STRBP: variants seen among roughly 807,000 people sequenced by gnomAD.
The protein encoded by STRBP is spermatid perinuclear RNA-binding protein.
STRBP carries 13 observed loss-of-function variants against 80.1 expected under a neutral mutation model. The observed-to-expected ratio is 0.16, with a 90% CI of 0.11 to 0.26. The LOEUF (loss-of-function observed/expected upper bound fraction) is 0.26, where lower values mean the gene tolerates loss of function less well. Among genes scored for constraint, STRBP ranks in the 10% least tolerant of loss-of-function variants. The probability of loss-of-function intolerance (pLI) is 1.00; values close to 1 mark genes in which losing one functional copy is unlikely to be tolerated. For missense variants in STRBP, 485 were observed against 815.2 expected, an observed-to-expected ratio of 0.59 and a Z score of 4.93; for synonymous variants, 284 against 291.2, an observed-to-expected ratio of 0.98 and a Z score of 0.25.
chr9:123,184,176 C>A lies in STRBP; in HGVS notation c.-42G>T. On this transcript the variant is annotated 5_prime_UTR_variant, in exon 3 of 19. Transcript: ENST00000348403. ...TTAGCTTCTTTTTCCGATCCTTTCC[C>A]CTCTTTCTTGTCGTCTTCACTAGAC... is the stretch of plus-strand genomic sequence containing the variant. The A allele has an allele frequency of 6.2e-7, 1 of 1,605,512 alleles. No homozygotes were observed. The highest frequency in any genetic ancestry group is 8.5e-7 in the Non-Finnish European group (1 of 1,174,940).
intron 4 of STRBP, among the ~76,000 whole-genome samples, chr9:123,177,074 G>A (rs2038249996): frequency 6.6e-6 from 1 of 152,104 alleles, no homozygotes. Context: ...ACACTCACCA[G>A]GTGCACAATA....
chr9:123,166,996 G>C (rs2037794338), intron 6 of STRBP, among the ~76,000 whole-genome samples: 1 of 152,136 alleles, frequency 6.6e-6, no homozygotes, highest in Non-Finnish European at 1.5e-5. Context: ...TCTGTATTAT[G>C]GCAATTTAAA....
At chr9:123,175,475 T>C (rs1436364579) in intron 4 of STRBP, among the ~76,000 whole-genome samples, 1 of 152,176 alleles carries the variant, frequency 6.6e-6, no homozygotes, top group Non-Finnish European at 1.5e-5. Context: ...AATCCAGCCA[T>C]GGGTTCAGTG....
downstream of STRBP, among the ~76,000 whole-genome samples, chr9:123,119,760 A>G (rs2035700975): frequency 6.6e-6 from 1 of 152,214 alleles, no homozygotes; most frequent in Non-Finnish European, 1.5e-5. Context: ...TGCACCAGGT[A>G]CTGTTCAAAA....
intron 13 of STRBP, among the ~76,000 whole-genome samples, chr9:123,141,869 C>T (rs1430730751): frequency 6.6e-6 from 1 of 152,138 alleles, no homozygotes; most frequent in Non-Finnish European, 1.5e-5. Context: ...CTAGCATATG[C>T]TAAGAAGTCA....
chr9:123,215,728 G>A (rs1190802602), intron 2 of STRBP, among the ~76,000 whole-genome samples: 1 of 152,160 alleles, frequency 6.6e-6, no homozygotes, highest in Non-Finnish European at 1.5e-5. Context: ...GAGTTGCAGT[G>A]AGCTGAGATC....
At chr9:123,117,855 T>C (rs943586892), downstream of STRBP, among the ~76,000 whole-genome samples, 2 of 152,232 alleles carry the variant, frequency 1.3e-5, no homozygotes, top group African/African-American at 4.8e-5. Context: ...CAGATTTCAC[T>C]GAAATTCAAA....
chr9:123,254,208 C>A (rs891149365), intron 1 of STRBP, among the ~76,000 whole-genome samples: 1 of 152,210 alleles, frequency 6.6e-6, no homozygotes, highest in East Asian at 1.9e-4. Flanking sequence ...ATGGTGAAAG[C>A]AGCCCAAGAC....
intron 1 of STRBP, among the ~76,000 whole-genome samples, chr9:123,250,083 G>C (rs1182287871): frequency 1.3e-5 from 2 of 152,214 alleles, no homozygotes; most frequent in Non-Finnish European, 2.9e-5. Context: ...TCTGGTTTCA[G>C]ATTCTATCAG....
chr9:123,152,144 T>A (rs1331348203), intron 11 of STRBP, among the ~76,000 whole-genome samples: 2 of 152,164 alleles, frequency 1.3e-5, no homozygotes, highest in Non-Finnish European at 2.9e-5. Context: ...GGGAATCAGA[T>A]CCGTAATTTA....
rs1311245876 is a variant in STRBP, at chr9:123,132,946, G to A, written c.1796C>T (p.Ala599Val). ...AACAGCTTGGACTGCTGCAGACACA[G>A]CTGTATTCACAACGCCCTTTGCCTG... ...IPQAKGVVNT[A>V]VSAAVQAVRG... The change falls in exon 17 of 19, where the codon GCT becomes GTT. Residue 599 changes from alanine (A) to valine (V), a missense_variant. Coordinates refer to ENST00000348403, the MANE Select transcript of STRBP (RefSeq NM_018387.5). The A allele has an allele frequency of 5.0e-6, 8 of 1,613,906 alleles. No individual in the cohort carries two copies. The highest frequency in any genetic ancestry group is 6.8e-6 in the Non-Finnish European group (8 of 1,179,960).
chr9:123,230,089 G>C (rs1478182105), intron 2 of STRBP, among the ~76,000 whole-genome samples: 1 of 152,116 alleles, frequency 6.6e-6, no homozygotes, highest in Non-Finnish European at 1.5e-5. Flanking sequence ...AATGACTATG[G>C]AATTTAAGCT....
intron 5 of STRBP, 151 bp downstream of exon 5, chr9:123,173,526 T>C (rs1402739978): frequency 6.8e-6 from 5 of 731,212 alleles, no homozygotes; most frequent in African/African-American, 5.5e-5. Context: ...TTAACTGTGA[T>C]GAATTAGTCA....
In STRBP at chr9:123,132,889, C is replaced by T. The variant is rs1404756095; in HGVS notation, c.1853G>A (p.Gly618Glu). ...RGRGRGTLTR[G>E]AFVGATAAPG... Reference sequence around the variant, plus strand: ...AGCAGCTGTCGCCCCAACAAAAGCTCCCCTTGTTAGAGTTCCTCTTCCTCT... The same window carrying T: ...AGCAGCTGTCGCCCCAACAAAAGCTTCCCTTGTTAGAGTTCCTCTTCCTCT... Residue 618 changes from glycine to glutamate, a missense_variant, in exon 17 of 19, where the codon GGA becomes GAA. Physicochemically the swap from Gly to Glu is moderately conservative, Grantham distance 98. Coordinates refer to ENST00000348403, the MANE Select transcript of STRBP (RefSeq NM_018387.5). The T allele has an allele frequency of 1.9e-6, 3 of 1,613,986 alleles. No homozygotes were observed. The South Asian group carries it at 3.3e-5, about 18-fold the overall frequency.
At chr9:123,259,271 T>C (rs1402418949) in intron 1 of STRBP, among the ~76,000 whole-genome samples, 1 of 152,144 alleles carries the variant, frequency 6.6e-6, no homozygotes, top group Non-Finnish European at 1.5e-5. Flanking sequence ...GAAGCTGCTA[T>C]TTACTGAGAT....
intron 2 of STRBP, among the ~76,000 whole-genome samples, chr9:123,218,355 CTTTTTT>C (rs10689260): frequency 9.3e-4 from 95 of 102,428 alleles, no homozygotes; most frequent in Admixed American, 1.3e-3. Context: ...TTAAATATGA[CTTTTTT>C]TTTTTTTTTT....
intron 2 of STRBP, among the ~76,000 whole-genome samples, chr9:123,116,435 C>G (rs1398160060): frequency 6.6e-6 from 1 of 152,144 alleles, no homozygotes; most frequent in Non-Finnish European, 1.5e-5. Context: ...GAAATTAACC[C>G]CAACTGTGTA....
chr9:123,159,253 A>T, intron 8 of STRBP, 46 bp from the exon 9 acceptor site: 2 of 1,367,980 alleles, frequency 1.5e-6, no homozygotes, highest in Non-Finnish European at 2.1e-6. Flanking sequence ...CAAGTGTTAA[A>T]AGGATTCCAG....
At position 123,160,461 on chromosome 9, in the gene STRBP, G is replaced by T; in HGVS notation, c.629C>A (p.Ala210Glu). The change falls in exon 8 of 19, where the codon GCA (alanine) becomes GAA (glutamate). Residue 210 changes from alanine (A) to glutamate (E), a missense_variant and splice_region_variant. By Grantham distance (107) the Ala-to-Glu change is moderately radical. This residue lies in a region of STRBP where 377 missense variants were observed against 616.1 expected (regional missense o/e 0.61). Transcript: ENST00000348403. ...ACATGATTTTAATCCATTTGCCCTTGCCTAAAACAAACAAAATGATTCCAG... is the reference window on the plus strand; with the variant it reads ...ACATGATTTTAATCCATTTGCCCTTTCCTAAAACAAACAAAATGATTCCAG... Reference protein sequence around the residue: ...ASLRHAKWFQARANGLKSCVI... With the variant: ...ASLRHAKWFQERANGLKSCVI... 1 of 1,586,016 alleles carries T rather than the reference G, an allele frequency of 6.3e-7. No homozygotes were observed. Among genetic ancestry groups the T allele is most frequent in the South Asian group, 1.1e-5 (1 of 87,266 alleles).
Sources: gnomAD v4.1 joint callset for allele counts (sites outside exome capture counted in the v4.1 genomes callset) on GRCh38, gnomAD v4.1.1 for gene constraint, gnomAD v4.1.1 regional missense constraint, MANE v1.5 for transcripts, NCBI Gene and HGNC (gene_info 2026-07-23, HGNC 2026-07-21) for gene names.